The following OR6N1 variants were observed in gnomAD, a reference collection of about 807,000 sequenced individuals.
OR6N1 encodes the protein olfactory receptor family 6 subfamily N member 1.
For missense variants in OR6N1, 394 were observed against 371.7 expected (o/e 1.06, Z -0.49); for synonymous variants, 170 against 150.7 (o/e 1.13, Z -0.94).
the OR6N1 span, among the ~76,000 whole-genome samples, chr1:158,815,500 G>C: frequency 1.3e-5 from 2 of 151,988 alleles, no homozygotes; most frequent in Non-Finnish European, 2.9e-5. Context: ...AGGTCCTAGA[G>C]TAAATTTTAC....
At chr1:158,840,061 AG>A in the OR6N1 span, among the ~76,000 whole-genome samples, 1 of 152,076 alleles carries the variant, frequency 6.6e-6, no homozygotes, top group East Asian at 1.9e-4. Flanking sequence ...TCATTTTTTT[AG>A]GGGGGGATTT....
the OR6N1 span, among the ~76,000 whole-genome samples, chr1:158,784,272 T>C: frequency 6.6e-6 from 1 of 152,234 alleles, no homozygotes; most frequent in African/African-American, 2.4e-5. Flanking sequence ...TGAGTATCCA[T>C]CTTTCTTTTG....
the OR6N1 span, among the ~76,000 whole-genome samples, chr1:158,785,272 A>T: frequency 6.6e-6 from 1 of 152,152 alleles, no homozygotes; most frequent in Non-Finnish European, 1.5e-5. Context: ...GAAATTCAGT[A>T]TATTTTCCTA....
the OR6N1 span, among the ~76,000 whole-genome samples, chr1:158,803,119 G>C: frequency 3.2e-3 from 490 of 152,180 alleles, no homozygotes; most frequent in Non-Finnish European, 4.9e-3. Context: ...ACCATAAAAA[G>C]ATTAACAAGT....
At chr1:158,827,067 T>C in the OR6N1 span, among the ~76,000 whole-genome samples, 1 of 152,170 alleles carries the variant, frequency 6.6e-6, no homozygotes, top group Non-Finnish European at 1.5e-5. Context: ...TCAGGCAACA[T>C]AAATTCTTAA....
chr1:158,820,237 A>T, the OR6N1 span, among the ~76,000 whole-genome samples: 2,581 of 152,306 alleles, frequency 0.017, 65 homozygotes, highest in African/African-American at 0.059. Flanking sequence ...CGGTAAACCA[A>T]CAACCTTCCA....
the OR6N1 span, chr1:158,808,792 T>C: frequency 0.057 from 8,624 of 152,408 alleles, 834 homozygotes; most frequent in African/African-American, 0.2. Context: ...ACCGCATTAG[T>C]GGTGCCAAGT....
chr1:158,833,696 C>A, the OR6N1 span, among the ~76,000 whole-genome samples: 1 of 152,116 alleles, frequency 6.6e-6, no homozygotes, highest in Non-Finnish European at 1.5e-5. Context: ...TATTCCATTT[C>A]ATGTATTTAC....
At chr1:158,798,255 G>T in the OR6N1 span, among the ~76,000 whole-genome samples, 1 of 150,588 alleles carries the variant, frequency 6.6e-6, no homozygotes, top group African/African-American at 2.4e-5. Flanking sequence ...ATTAATTTCT[G>T]CTCCCAGATT....
At chr1:158,828,240 TC>T in the OR6N1 span, among the ~76,000 whole-genome samples, 1 of 151,834 alleles carries the variant, frequency 6.6e-6, no homozygotes, top group Admixed American at 6.6e-5. Context: ...TTCCCAACAG[TC>T]CCCCAAAGTC....
the OR6N1 span, among the ~76,000 whole-genome samples, chr1:158,806,994 A>C: frequency 8.2e-6 from 1 of 121,572 alleles, no homozygotes; most frequent in African/African-American, 3.5e-5. Flanking sequence ...CAAGAGCAAG[A>C]CGTCATCTCA....
At chr1:158,783,298 A>G in the OR6N1 span, among the ~76,000 whole-genome samples, 1 of 152,198 alleles carries the variant, frequency 6.6e-6, no homozygotes, top group African/African-American at 2.4e-5. Context: ...GTCTACTTGT[A>G]CGTTGAAGTG....
In OR6N1 at chr1:158,766,368, G is replaced by T; in HGVS notation, c.315C>A (p.His105Gln). ...SGCLLQIYFF[H>Q]SLGATECYLL... ...GATAGCACTCAGTCGCTCCAAGGGA[G>T]TGAAAGAAATAGATCTGCAGGAGAC... The change falls in exon 2 of 2, where the codon CAC becomes CAA. Residue 105 changes from histidine (H) to glutamine (Q), a missense_variant. His to Gln is a conservative substitution (Grantham distance 24). Coordinates refer to ENST00000641846, the MANE Select transcript of OR6N1 (RefSeq NM_001005185.2). 8.1e-6 allele frequency: 13 copies of T among 1,614,166 alleles called. No individual in the cohort carries two copies. The highest frequency in any genetic ancestry group is 1.6e-4 in the Middle Eastern group (1 of 6,062).
chr1:158,835,386 T>C, the OR6N1 span, among the ~76,000 whole-genome samples: 3 of 152,232 alleles, frequency 2.0e-5, no homozygotes, highest in South Asian at 6.2e-4. Context: ...AAGAACTGTT[T>C]CCTTAATTTC....
At chr1:158,778,118 A>G in the OR6N1 span, among the ~76,000 whole-genome samples, 1 of 152,222 alleles carries the variant, frequency 6.6e-6, no homozygotes, top group Admixed American at 6.5e-5. Flanking sequence ...TGGGTATGAG[A>G]TTAATGTAGT....
the OR6N1 span, among the ~76,000 whole-genome samples, chr1:158,799,409 G>A: frequency 6.6e-6 from 1 of 152,152 alleles, no homozygotes; most frequent in African/African-American, 2.4e-5. Context: ...TTAAGTAGAA[G>A]GTCATTCAAG....
chr1:158,778,769 T>C, the OR6N1 span, among the ~76,000 whole-genome samples: 97,632 of 151,640 alleles, frequency 0.64, 32,011 homozygotes, highest in African/African-American at 0.78. Flanking sequence ...AATCCCAGCA[T>C]TTTGGGAGGC....
chr1:158,765,777 C>T lies in OR6N1; in HGVS notation c.906G>A (p.Arg302=). 6.2e-7 allele frequency: 1 copy of T among 1,614,032 alleles called. No homozygotes were observed. Among genetic ancestry groups the T allele is most frequent in the South Asian group, 1.1e-5 (1 of 91,080 alleles). ...ATATCCCAATTCTCTTTAGCTGCCT[C>T]CTCACAGCCTCCTTGATCTCCTTGT... is the stretch of plus-strand genomic sequence containing the variant. ...LRNKEIKEAV[R]RQLKRIGILA is the part of the protein sequence containing the mutation. The change falls in exon 2 of 2, where the codon AGG becomes AGA. Residue 302 remains arginine, a synonymous_variant. Transcript: ENST00000641846.
chr1:158,773,427 CA>C (rs1291488125), upstream of OR6N1, among the ~76,000 whole-genome samples: 1 of 152,108 alleles, frequency 6.6e-6, no homozygotes, highest in Non-Finnish European at 1.5e-5. Context: ...AGTTTCATTT[CA>C]ATTACTTCTT....
Sources: allele counts gnomAD v4.1 joint callset (sites outside exome capture counted in the v4.1 genomes callset), GRCh38; gene constraint gnomAD v4.1.1; transcripts MANE v1.5; gene names NCBI Gene and HGNC (gene_info 2026-07-23, HGNC 2026-07-21).